THSD7B: variants seen among roughly 807,000 people sequenced by gnomAD.
THSD7B encodes the protein thrombospondin type-1 domain-containing protein 7B.
THSD7B carries 138 observed loss-of-function variants against 213.6 expected under a neutral mutation model. The observed-to-expected ratio is 0.65, with a 90% CI of 0.56 to 0.74. The LOEUF is 0.74. Ranked by LOEUF, THSD7B falls within the 30% of genes least tolerant of loss-of-function variation. The probability of loss-of-function intolerance (pLI) is 0.00; values close to 1 mark genes in which losing one functional copy is unlikely to be tolerated. For missense variants in THSD7B, 1,931 were observed against 1,991.5 expected, an observed-to-expected ratio of 0.97 and a Z score of 0.58; for synonymous variants, 742 against 687.0, an observed-to-expected ratio of 1.08 and a Z score of -1.25.
At chr2:137,333,825 C>T (rs1272320836) in intron 12 of THSD7B, among the ~76,000 whole-genome samples, 1 of 152,126 alleles carries the variant, frequency 6.6e-6, no homozygotes, top group African/African-American at 2.4e-5. Flanking sequence ...CTACAGCAGC[C>T]ACAATAAGAA....
chr2:136,863,539 A>G (rs1015849986), intron 1 of THSD7B, among the ~76,000 whole-genome samples: 5 of 152,220 alleles, frequency 3.3e-5, no homozygotes, highest in Admixed American at 6.5e-5. Context: ...AAATTAATCT[A>G]CTACTGAATG....
intron 12 of THSD7B, among the ~76,000 whole-genome samples, chr2:137,301,728 C>T (rs1683606476): frequency 1.3e-5 from 2 of 151,982 alleles, no homozygotes; most frequent in South Asian, 4.2e-4. Context: ...GCAAAAGTCC[C>T]AGGTTAGTAA....
At chr2:136,998,271 A>G (rs570998641) in intron 2 of THSD7B, among the ~76,000 whole-genome samples, 68 of 150,358 alleles carry the variant, frequency 4.5e-4, no homozygotes, top group African/African-American at 1.7e-3. Context: ...CAAAAAAAAA[A>G]AAAAAAAAAA....
chr2:136,872,814 CAAAA>C (rs60759275), intron 1 of THSD7B, among the ~76,000 whole-genome samples: 894 of 65,552 alleles, frequency 0.014, 5 homozygotes, highest in East Asian at 0.058. Context: ...ACTGAAAATA[CAAAA>C]AAAAAAAAAA....
intron 2 of THSD7B, among the ~76,000 whole-genome samples, chr2:136,933,642 T>A (rs190464756): frequency 2.0e-5 from 3 of 152,212 alleles, no homozygotes; most frequent in East Asian, 1.9e-4. Flanking sequence ...GGCTTTTTTT[T>A]ATTATTGATA....
rs1285779386 is a variant in THSD7B, at chr2:137,656,813, G to C, written c.4123G>C (p.Glu1375Gln). ...VPCPGDCHLT[E>Q]WSEWSTCELT... ...CTGTCCAGGAGACTGCCATTTAACA[G>C]AATGGTCAGAGTGGAGCACATGTGA... The change falls in exon 23 of 28, where the codon GAA (glutamate) becomes CAA (glutamine). Residue 1375 changes from glutamate to glutamine, a missense_variant. Glu to Gln is a conservative substitution (Grantham distance 29). Coordinates refer to ENST00000409968, the MANE Select transcript of THSD7B (RefSeq NM_001316349.2). 1.2e-6 allele frequency: 2 copies of C among 1,613,766 alleles called. No individual in the cohort carries two copies. The highest frequency in any genetic ancestry group is 1.7e-6 in the Non-Finnish European group (2 of 1,179,844).
At chr2:137,576,366 T>A (rs1681460957) in intron 17 of THSD7B, among the ~76,000 whole-genome samples, 1 of 152,098 alleles carries the variant, frequency 6.6e-6, no homozygotes, top group Admixed American at 6.6e-5. Context: ...CACCTCTAGC[T>A]GAATGTATCA....
At chr2:136,976,644 CT>C (rs1201660725) in intron 2 of THSD7B, among the ~76,000 whole-genome samples, 2 of 144,246 alleles carry the variant, frequency 1.4e-5, no homozygotes, top group African/African-American at 2.6e-5. Flanking sequence ...TTTTTTTTTT[CT>C]TTTTTTGAGA....
At chr2:136,765,993 G>A (rs550611604) in intron 1 of THSD7B, among the ~76,000 whole-genome samples, 24 of 152,342 alleles carry the variant, frequency 1.6e-4, no homozygotes, top group African/African-American at 5.8e-4. Context: ...CATGCAACGG[G>A]ACCGAACCTT....
At chr2:137,430,588 C>T (rs753133320) in intron 14 of THSD7B, among the ~76,000 whole-genome samples, 1 of 152,258 alleles carries the variant, frequency 6.6e-6, no homozygotes, top group Non-Finnish European at 1.5e-5. Flanking sequence ...CTGGCCCTAA[C>T]TTACCTTTCT....
intron 2 of THSD7B, among the ~76,000 whole-genome samples, chr2:136,907,493 T>G (rs938480165): frequency 6.6e-6 from 1 of 152,196 alleles, no homozygotes; most frequent in African/African-American, 2.4e-5. Flanking sequence ...CTACCTATAT[T>G]GGATCACAGG....
intron 15 of THSD7B, among the ~76,000 whole-genome samples, chr2:137,459,329 A>T (rs1014059781): frequency 6.6e-6 from 1 of 152,194 alleles, no homozygotes; most frequent in African/African-American, 2.4e-5. Flanking sequence ...GCAGAAAAAC[A>T]TTTGTTAAAA....
Position 136,881,837 on chromosome 2 carries a change from G to A in THSD7B, c.-35-307G>A, listed in dbSNP as rs112988080. On this transcript the variant is annotated intron_variant, in intron 1 of 27. Transcript: ENST00000409968. ...TGAGAATCCATGATAATATTATCAC[G>A]TTACATTGATCTTTTTTTACCAAAA... is the stretch of plus-strand genomic sequence containing the variant. Among the ~76,000 whole-genome samples the A allele has an allele frequency of 6.3e-3, 956 of 152,034 alleles. 7 individuals are homozygous for A. Among genetic ancestry groups the A allele is most frequent in the African/African-American group, 0.021 (885 of 41,498 alleles).
chr2:136,772,942 T>C (rs891764307), intron 1 of THSD7B, among the ~76,000 whole-genome samples: 18 of 152,304 alleles, frequency 1.2e-4, no homozygotes, highest in Non-Finnish European at 2.1e-4. Flanking sequence ...TAAACAAATA[T>C]ACTGTTGGAA....
chr2:137,454,297 A>G (rs1291864359), intron 15 of THSD7B, among the ~76,000 whole-genome samples: 1 of 152,192 alleles, frequency 6.6e-6, no homozygotes, highest in Non-Finnish European at 1.5e-5. Context: ...CAGGACAATA[A>G]GTCCTTTCTC....
chr2:137,272,723 T>C, intron 11 of THSD7B, 61 bp downstream of exon 11: 2 of 1,551,358 alleles, frequency 1.3e-6, no homozygotes, highest in Non-Finnish European at 1.7e-6. Context: ...CTATTTTCTT[T>C]CACATAACAT....
chr2:137,169,405 G>C (rs1189395500), intron 6 of THSD7B, among the ~76,000 whole-genome samples: 1 of 151,320 alleles, frequency 6.6e-6, no homozygotes, highest in Non-Finnish European at 1.5e-5. Flanking sequence ...AAGAGAGGTT[G>C]GTCTTTCTCC....
intron 2 of THSD7B, among the ~76,000 whole-genome samples, chr2:136,945,593 A>G (rs908469290): frequency 6.6e-6 from 1 of 152,064 alleles, no homozygotes; most frequent in African/African-American, 2.4e-5. Flanking sequence ...TCTCCCAGTC[A>G]CTTTCAGGTA....
chr2:137,134,987 T>C (rs1679407179), intron 5 of THSD7B, among the ~76,000 whole-genome samples: 1 of 152,172 alleles, frequency 6.6e-6, no homozygotes, highest in Non-Finnish European at 1.5e-5. Context: ...AAGGCACTTA[T>C]CTCCTGTGAA....
Sources: gnomAD v4.1 joint callset for allele counts (sites outside exome capture counted in the v4.1 genomes callset) on GRCh38, gnomAD v4.1.1 for gene constraint, MANE v1.5 for transcripts, NCBI Gene and HGNC (gene_info 2026-07-23, HGNC 2026-07-21) for gene names.